MBD5: variants seen among roughly 807,000 people sequenced by gnomAD.
MBD5 encodes the protein methyl-CpG-binding domain protein 5.
A neutral mutation model predicts 117.3 loss-of-function variants in MBD5; 13 were observed. That is an observed-to-expected ratio of 0.11 (90% CI 0.07 to 0.18). The LOEUF is 0.18. MBD5 is among the 10% of genes least tolerant of loss of function. The pLI is 1.00. For synonymous variants in MBD5, 727 were observed against 766.4 expected (o/e 0.95, Z 0.85); for missense variants, 1,879 against 2,093.8 (o/e 0.90, Z 2.00).
chr2:148,489,770 C>T lies in MBD5; in HGVS notation c.4138C>T (p.Arg1380Trp), dbSNP rs142293829. ...TGCTGTCAGTGCGGTCATTCATGGA[C>T]GGAACATGGGAGGTGTTGATCATGA... ...SSAVSAVIHG[R>W]NMGGVDHDGR... Residue 1380 changes from arginine to tryptophan, a missense_variant, in exon 11 of 14, where the codon CGG becomes TGG. By Grantham distance (101) the Arg-to-Trp change is moderately radical (BLOSUM62 -3). Transcript: ENST00000642680. 30 of 1,613,836 alleles carry T rather than the reference C, an allele frequency of 1.9e-5. No homozygotes were observed. Among genetic ancestry groups the T allele is most frequent in the Middle Eastern group, 1.6e-4 (1 of 6,084 alleles).
At chr2:148,474,416 C>T (rs1400491381) in intron 8 of MBD5, among the ~76,000 whole-genome samples, 1 of 152,092 alleles carries the variant, frequency 6.6e-6, no homozygotes, top group Non-Finnish European at 1.5e-5. Context: ...GATTATTCTG[C>T]CAACATGCTT....
rs141373037 is a variant in MBD5 at position 148,482,220 on chromosome 2, A to G, written c.2519-890A>G. ...ATTTCACTTTTAAGAATTTATCCTT[A>G]GAAAATAATTAGGTGAACTGGCAAA... On this transcript the variant is annotated intron_variant, in intron 8 of 13. Transcript: ENST00000642680. Among the ~76,000 whole-genome samples, 367 of 152,300 alleles carry G rather than the reference A, an allele frequency of 2.4e-3. 2 individuals are homozygous for G. Among genetic ancestry groups the G allele is most frequent in the African/African-American group, 8.6e-3 (356 of 41,576 alleles).
At chr2:148,453,085 T>A (rs944723161) in intron 4 of MBD5, among the ~76,000 whole-genome samples, 9 of 152,318 alleles carry the variant, frequency 5.9e-5, no homozygotes, top group African/African-American at 2.2e-4. Context: ...GGTCCTGCTC[T>A]TAGAGTGTTT....
chr2:148,172,579 G>C (rs1464776319), intron 1 of MBD5, among the ~76,000 whole-genome samples: 1 of 152,166 alleles, frequency 6.6e-6, no homozygotes, highest in African/African-American at 2.4e-5. Flanking sequence ...AGACAGACAG[G>C]CTCCTGGGTG....
intron 1 of MBD5, among the ~76,000 whole-genome samples, chr2:148,117,301 GTTCT>G (rs1360406715): frequency 6.7e-6 from 1 of 150,116 alleles, no homozygotes; most frequent in East Asian, 1.9e-4. Context: ...ATCTCTTATA[GTTCT>G]TTCTTCTTTC....
chr2:148,478,546 A>C (rs1248073710), intron 8 of MBD5, among the ~76,000 whole-genome samples: 1 of 152,166 alleles, frequency 6.6e-6, no homozygotes, highest in African/African-American at 2.4e-5. Flanking sequence ...CAACAGAGTG[A>C]GACTCCATCT....
At chr2:148,396,518 C>A (rs1704719704) in intron 4 of MBD5, among the ~76,000 whole-genome samples, 1 of 152,160 alleles carries the variant, frequency 6.6e-6, no homozygotes, top group Admixed American at 6.5e-5. Flanking sequence ...TTACCTACTA[C>A]TTTTTTTATT....
At chr2:148,405,688 A>G (rs1399830580) in intron 4 of MBD5, among the ~76,000 whole-genome samples, 2 of 152,214 alleles carry the variant, frequency 1.3e-5, no homozygotes. Context: ...TGGCTTCATT[A>G]TACCTGAGGC....
At position 148,385,205 on chromosome 2, in the gene MBD5, A is replaced by T. The variant is rs553459975; in HGVS notation, c.-557+42869A>T. 3.9e-5 allele frequency among the ~76,000 whole-genome samples: 6 copies of T among 152,348 alleles called. No individual in the cohort carries two copies. The South Asian group carries it at 1.2e-3, about 32-fold the overall frequency. On this transcript the variant is annotated intron_variant, in intron 4 of 13. Transcript: ENST00000642680. ...TACAGAATGGGAGAAAATTTTGGCAACGTACTCATCTGACAAAGGGCTACT... is the reference window on the plus strand; with the variant it reads ...TACAGAATGGGAGAAAATTTTGGCATCGTACTCATCTGACAAAGGGCTACT...
At chr2:148,070,240 A>G (rs375164564) in intron 1 of MBD5, among the ~76,000 whole-genome samples, 11 of 152,182 alleles carry the variant, frequency 7.2e-5, no homozygotes, top group East Asian at 5.8e-4. Flanking sequence ...ACTTAACATA[A>G]TAACCTCCAG....
chr2:148,381,105 A>G (rs971212220), intron 4 of MBD5, among the ~76,000 whole-genome samples: 1 of 152,228 alleles, frequency 6.6e-6, no homozygotes, highest in Non-Finnish European at 1.5e-5. Flanking sequence ...GCAACGGAAC[A>G]AAGCTGGACA....
rs147538352 is a variant in MBD5 at position 148,069,625 on chromosome 2, C to T, written c.-925+47941C>T. On this transcript the variant is annotated intron_variant, in intron 1 of 13. Transcript: ENST00000642680. ...GCAGGCAGTTTTTGTCTATACAAGC[C>T]GCTGTTAAACCACTTTTCCCTGACC... Among the ~76,000 whole-genome samples, 213 of 151,692 alleles carry T rather than the reference C, an allele frequency of 1.4e-3. 1 individual carries two copies. Among genetic ancestry groups the T allele is most frequent in the Admixed American group, 2.4e-3 (37 of 15,238 alleles).
intron 1 of MBD5, among the ~76,000 whole-genome samples, chr2:148,041,666 A>C (rs957346561): frequency 6.6e-6 from 1 of 152,166 alleles, no homozygotes; most frequent in African/African-American, 2.4e-5. Flanking sequence ...ACTCATGTAC[A>C]TCATACACAC....
chr2:148,220,795 A>G (rs1250800636), intron 2 of MBD5, among the ~76,000 whole-genome samples: 3 of 152,036 alleles, frequency 2.0e-5, no homozygotes, highest in Admixed American at 6.6e-5. Context: ...TGTTATAACA[A>G]TTTTTACTTA....
intron 1 of MBD5, among the ~76,000 whole-genome samples, chr2:148,112,786 C>T (rs911821303): frequency 6.6e-6 from 1 of 152,072 alleles, no homozygotes; most frequent in African/African-American, 2.4e-5. Flanking sequence ...AATCTGGACT[C>T]AGAAATCCCA....
chr2:148,492,474 G>T (rs1379090865), intron 11 of MBD5, among the ~76,000 whole-genome samples: 1 of 151,856 alleles, frequency 6.6e-6, no homozygotes, highest in East Asian at 1.9e-4. Flanking sequence ...ACATTTAGAG[G>T]TGAAAAACTG....
intron 3 of MBD5, among the ~76,000 whole-genome samples, chr2:148,291,733 G>A (rs776329608): frequency 2.0e-5 from 3 of 152,036 alleles, no homozygotes; most frequent in Non-Finnish European, 4.4e-5. Context: ...AATGTATATG[G>A]AATCACAAAA....
intron 1 of MBD5, among the ~76,000 whole-genome samples, chr2:148,078,440 C>T (rs1558916392): frequency 6.6e-6 from 1 of 152,142 alleles, no homozygotes; most frequent in African/African-American, 2.4e-5. Context: ...CAGATACACA[C>T]AAGATATGCC....
chr2:148,445,460 A>G (rs574272508), intron 4 of MBD5, among the ~76,000 whole-genome samples: 3 of 151,360 alleles, frequency 2.0e-5, no homozygotes, highest in Non-Finnish European at 1.5e-5. Context: ...TACAAAGGAC[A>G]TGAACTCATC....
Sources: gnomAD v4.1 joint callset for allele counts (sites outside exome capture counted in the v4.1 genomes callset) on GRCh38, gnomAD v4.1.1 for gene constraint, MANE v1.5 for transcripts, NCBI Gene and HGNC (gene_info 2026-07-23, HGNC 2026-07-21) for gene names.